SGPP2: variants seen among roughly 807,000 people sequenced by gnomAD.
SGPP2 encodes the protein sphingosine-1-phosphate phosphatase 2.
A neutral mutation model predicts 33.9 loss-of-function variants in SGPP2; 30 were observed. The observed-to-expected ratio is 0.89, with a 90% CI of 0.66 to 1.20. The LOEUF is 1.20. Ranked by LOEUF, SGPP2 falls within the 50% of genes most tolerant of loss-of-function variation. SGPP2 has a pLI of 0.00. For missense variants in SGPP2, 458 were observed against 532.1 expected (o/e 0.86, Z 1.37); for synonymous variants, 233 against 225.0 (o/e 1.04, Z -0.32).
At chr2:222,553,096 C>T (rs896702995) in intron 4 of SGPP2, among the ~76,000 whole-genome samples, 7 of 152,162 alleles carry the variant, frequency 4.6e-5, no homozygotes, top group African/African-American at 1.7e-4. Flanking sequence ...AGGCAGGCAA[C>T]ACACAGCAAT....
chr2:222,546,544 A>T (rs1244930164), intron 4 of SGPP2, among the ~76,000 whole-genome samples: 1 of 152,184 alleles, frequency 6.6e-6, no homozygotes, highest in Admixed American at 6.5e-5. Flanking sequence ...AGTATGTAGA[A>T]GGGATATAAA....
chr2:222,454,752 A>C (rs1295075285), intron 1 of SGPP2, among the ~76,000 whole-genome samples: 3 of 150,646 alleles, frequency 2.0e-5, no homozygotes, highest in African/African-American at 4.9e-5. Context: ...AAAAAAAAAC[A>C]GGCCAATTTG....
intron 2 of SGPP2, among the ~76,000 whole-genome samples, chr2:222,519,922 G>A (rs1309884263): frequency 2.0e-5 from 3 of 152,162 alleles, no homozygotes; most frequent in African/African-American, 7.2e-5. Flanking sequence ...CTATTGATGG[G>A]CACCTAGGTG....
intron 1 of SGPP2, among the ~76,000 whole-genome samples, chr2:222,458,303 C>T (rs1214332430): frequency 6.6e-6 from 1 of 151,984 alleles, no homozygotes; most frequent in African/African-American, 2.4e-5. Context: ...GATCCTCCTG[C>T]CACATCCTCC....
At chr2:222,437,591 T>C (rs1350957282) in intron 1 of SGPP2, among the ~76,000 whole-genome samples, 1 of 152,206 alleles carries the variant, frequency 6.6e-6, no homozygotes, top group Admixed American at 6.5e-5. Flanking sequence ...TTTCCTCATG[T>C]AACTTACTTG....
chr2:222,435,897 G>GT (rs1236115418), intron 1 of SGPP2, among the ~76,000 whole-genome samples: 5 of 152,124 alleles, frequency 3.3e-5, no homozygotes, highest in Non-Finnish European at 5.9e-5. Flanking sequence ...GCAGGTCGTG[G>GT]TTTTTTTCCT....
At chr2:222,480,000 C>CA (rs1205127932) in intron 2 of SGPP2, among the ~76,000 whole-genome samples, 1 of 151,798 alleles carries the variant, frequency 6.6e-6, no homozygotes, top group African/African-American at 2.4e-5. Context: ...GACATTGAGC[C>CA]AAAAAAGACA....
rs1438082019 is a variant in SGPP2, at chr2:222,477,898, G to C, written c.378+3172G>C. Among the ~76,000 whole-genome samples the C allele has an allele frequency of 6.6e-6, 1 of 152,078 alleles. No individual in the cohort carries two copies. Among genetic ancestry groups the C allele is most frequent in the African/African-American group, 2.4e-5 (1 of 41,378 alleles). On this transcript the variant is annotated intron_variant, in intron 2 of 4. Transcript: ENST00000321276. This position sits in a 1 kb window ranked among gnomAD's most constrained non-coding sequence, Gnocchi z 6.0. ...ATGACAAGCTTTTGTCATAGAGTGAGGCAAATAAAATCTTTGCCCAAGAAA... is the reference window on the plus strand; with the variant it reads ...ATGACAAGCTTTTGTCATAGAGTGACGCAAATAAAATCTTTGCCCAAGAAA...
At chr2:222,440,336 T>C (rs1419814520) in intron 1 of SGPP2, among the ~76,000 whole-genome samples, 1 of 61,308 alleles carries the variant, frequency 1.6e-5, no homozygotes, top group South Asian at 5.1e-4. Context: ...TTTTGTGTGT[T>C]TTTGTTTTTG....
chr2:222,506,294 A>T (rs1257416380), intron 2 of SGPP2, among the ~76,000 whole-genome samples: 1 of 152,246 alleles, frequency 6.6e-6, no homozygotes, highest in Non-Finnish European at 1.5e-5. Flanking sequence ...GTAAACTTTG[A>T]ATAACACTGT....
chr2:222,474,747 T>G, intron 2 of SGPP2, 21 bp downstream of exon 2: 1 of 1,574,566 alleles, frequency 6.4e-7, no homozygotes. Flanking sequence ...TTACTACTCA[T>G]TAACTGATGC....
chr2:222,470,393 G>A (rs1242774181), intron 1 of SGPP2, among the ~76,000 whole-genome samples: 1 of 152,206 alleles, frequency 6.6e-6, no homozygotes, highest in Non-Finnish European at 1.5e-5. Flanking sequence ...CATGTATACA[G>A]AGAAGTTATC....
At chr2:222,504,730 A>G (rs1698419208) in intron 2 of SGPP2, 2 of 152,182 alleles carry the variant, frequency 1.3e-5, no homozygotes, top group African/African-American at 4.8e-5. Flanking sequence ...CGTAGTCCCT[A>G]TTGCTGAGGT....
chr2:222,535,501 A>G (rs746950424), intron 4 of SGPP2, among the ~76,000 whole-genome samples: 4 of 152,212 alleles, frequency 2.6e-5, no homozygotes, highest in African/African-American at 7.2e-5. Context: ...AGTGCAGACC[A>G]CAGGAGATGG....
intron 1 of SGPP2, chr2:222,452,604 G>A (rs1697509152): frequency 7.5e-7 from 1 of 1,330,308 alleles, no homozygotes; most frequent in Non-Finnish European, 1.1e-6. Context: ...ACTGTTCCAG[G>A]CCTGATTGTT....
Position 222,424,736 on chromosome 2 carries a change from TC to T in SGPP2, c.138del (p.Val48SerfsTer34), listed in dbSNP as rs1393157893. The stretch of plus-strand genomic sequence containing the variant: ...GACCCCACGGAGCGCGCGGCGCGGG[TC>T]CCCGGGGTCGAGCATCTCCCCGCAG... ...GADPTERAARVPGVEHLPAAN... is the reference protein window; with the variant it reads ...GADPTERAARXPGVEHLPAAN... On this transcript the variant is annotated frameshift_variant, in exon 1 of 5. Coordinates refer to ENST00000321276, the MANE Select transcript of SGPP2 (RefSeq NM_152386.4). LOFTEE classifies it high-confidence loss of function. 9.1e-6 allele frequency: 13 copies of T among 1,428,186 alleles called. No homozygotes were observed. Among genetic ancestry groups the T allele is most frequent in the South Asian group, 4.2e-5 (3 of 71,320 alleles). The allele number at this position is 1,428,186 out of a possible 1,614,324, so 88.5% of individuals were successfully genotyped here.
chr2:222,447,779 G>A (rs1054209311), intron 1 of SGPP2, among the ~76,000 whole-genome samples: 1 of 152,150 alleles, frequency 6.6e-6, no homozygotes, highest in Non-Finnish European at 1.5e-5. Flanking sequence ...CAGCCACTGA[G>A]CTAGGCACTG....
chr2:222,519,522 A>G (rs190316156), intron 2 of SGPP2, among the ~76,000 whole-genome samples: 2 of 152,364 alleles, frequency 1.3e-5, no homozygotes, highest in South Asian at 4.1e-4. Context: ...TAATAATCCT[A>G]TTCACTTTTA....
chr2:222,507,167 A>G (rs1020479873), intron 2 of SGPP2, among the ~76,000 whole-genome samples: 5 of 152,208 alleles, frequency 3.3e-5, no homozygotes, highest in Non-Finnish European at 7.3e-5. Flanking sequence ...TGATTGGTAT[A>G]GAATTCAGCT....
Sources: allele counts gnomAD v4.1 joint callset (sites outside exome capture counted in the v4.1 genomes callset), GRCh38; gene constraint gnomAD v4.1.1; non-coding constraint Gnocchi (gnomAD v3.1); transcripts MANE v1.5; gene names NCBI Gene and HGNC (gene_info 2026-07-23, HGNC 2026-07-21).